The following MEGF10 variants were observed in gnomAD, a reference collection of about 807,000 sequenced individuals.
MEGF10 encodes the protein multiple EGF like domains 10.
A neutral mutation model predicts 147.5 loss-of-function variants in MEGF10; 86 were observed. That is an observed-to-expected ratio of 0.58 (90% CI 0.49 to 0.70). The LOEUF is 0.70. Ranked by LOEUF, MEGF10 falls within the 30% of genes least tolerant of loss-of-function variation. The pLI, the probability that MEGF10 is intolerant of heterozygous loss-of-function variation, is 0.00. For synonymous variants in MEGF10, 478 were observed against 525.5 expected (o/e 0.91, Z 1.24); for missense variants, 1,329 against 1,487.3 (o/e 0.89, Z 1.75).
At chr5:127,419,375 A>T (rs1764897988) in intron 11 of MEGF10, 135 bp downstream of exon 11, 1 of 1,046,726 alleles carries the variant, frequency 9.6e-7, no homozygotes. Flanking sequence ...CAAGCCCCTC[A>T]TCCAGTATGG....
At chr5:127,343,411 C>A (rs1408908363) in intron 4 of MEGF10, among the ~76,000 whole-genome samples, 1 of 152,064 alleles carries the variant, frequency 6.6e-6, no homozygotes, top group Non-Finnish European at 1.5e-5. Flanking sequence ...TGATAGACCC[C>A]ACTGTAGATG....
At position 127,455,722 on chromosome 5, in the gene MEGF10, C is replaced by T. The variant is rs117394990; in HGVS notation, c.3232+115C>T. ...AGAAATCTTATTGAAAATAATGGTC[C>T]GTATTTTATTTTATTTTATTTTATT... On this transcript the variant is annotated intron_variant, in intron 24 of 24. Coordinates refer to ENST00000503335, the MANE Select transcript of MEGF10 (RefSeq NM_001256545.2). The T allele has an allele frequency of 1.6e-3, 1,232 of 757,646 alleles. 23 individuals are homozygous for T. The East Asian group carries it at 0.032, about 20-fold the overall frequency. 46.9% of individuals were successfully genotyped at this position (757,646 alleles called of 1,614,324 possible). A position where few individuals can be genotyped will look rare whatever the true frequency, so the allele number is the denominator to read the frequency against.
chr5:127,352,402 C>T, intron 4 of MEGF10, among the ~76,000 whole-genome samples: 1 of 152,204 alleles, frequency 6.6e-6, no homozygotes, highest in East Asian at 1.9e-4. Flanking sequence ...TGGCTCACTC[C>T]TGTAATCCTA....
At chr5:127,302,747 T>C (rs1374501101) in intron 1 of MEGF10, among the ~76,000 whole-genome samples, 1 of 152,136 alleles carries the variant, frequency 6.6e-6, no homozygotes, top group Non-Finnish European at 1.5e-5. Flanking sequence ...ATGCCAAAAA[T>C]GGCAAGATGC....
the MEGF10 span, among the ~76,000 whole-genome samples, chr5:127,244,367 G>GAAAAA: frequency 7.6e-5 from 8 of 105,602 alleles, no homozygotes; most frequent in Non-Finnish European, 1.2e-4. Context: ...GCGAGACTCC[G>GAAAAA]AAAAAAAAAA....
At chr5:127,452,571 T>TG (rs1358221216) in intron 22 of MEGF10, among the ~76,000 whole-genome samples, 2 of 152,182 alleles carry the variant, frequency 1.3e-5, no homozygotes, top group Non-Finnish European at 2.9e-5. Context: ...TTACAGTTTA[T>TG]GGGGGGCTCA....
intron 21 of MEGF10, among the ~76,000 whole-genome samples, chr5:127,447,995 G>A (rs1024616504): frequency 2.0e-5 from 3 of 152,036 alleles, no homozygotes; most frequent in South Asian, 2.1e-4. Flanking sequence ...TTAGAAAAAC[G>A]TTTCTAATTT....
chr5:127,307,833 C>T (rs1290746469), intron 1 of MEGF10, among the ~76,000 whole-genome samples: 1 of 152,160 alleles, frequency 6.6e-6, no homozygotes, highest in Non-Finnish European at 1.5e-5. Flanking sequence ...TTCTGTTTGC[C>T]AAGAGACCCT....
chr5:127,421,274 G>A (rs1343088468), intron 12 of MEGF10, among the ~76,000 whole-genome samples: 4 of 152,190 alleles, frequency 2.6e-5, no homozygotes, highest in Admixed American at 6.5e-5. Flanking sequence ...TTCATATCAT[G>A]ACAAAACTAA....
chr5:127,419,279 C>G, intron 11 of MEGF10, 39 bp downstream of exon 11: 2 of 1,600,006 alleles, frequency 1.3e-6, no homozygotes, highest in East Asian at 4.5e-5. Context: ...TGATCCTGGT[C>G]ACGTTATCTC....
the MEGF10 span, among the ~76,000 whole-genome samples, chr5:127,248,180 C>T: frequency 6.6e-6 from 1 of 151,768 alleles, no homozygotes; most frequent in Non-Finnish European, 1.5e-5. Flanking sequence ...ATAGCCTAGC[C>T]CAAACAAAGC....
At chr5:127,363,494 G>C (rs1253625676) in intron 4 of MEGF10, among the ~76,000 whole-genome samples, 3 of 152,082 alleles carry the variant, frequency 2.0e-5, no homozygotes, top group Non-Finnish European at 4.4e-5. Flanking sequence ...AAAGAGAAGG[G>C]GAGTCGCACT....
At chr5:127,267,234 G>T in the MEGF10 span, among the ~76,000 whole-genome samples, 2 of 152,240 alleles carry the variant, frequency 1.3e-5, no homozygotes, top group South Asian at 4.1e-4. Flanking sequence ...TTATTGATTT[G>T]TGTATGTTGA....
chr5:127,326,585 C>G (rs938626509), intron 1 of MEGF10, among the ~76,000 whole-genome samples: 3 of 152,160 alleles, frequency 2.0e-5, no homozygotes, highest in Non-Finnish European at 2.9e-5. Flanking sequence ...ACCATTGCTT[C>G]TCTGTTCACG....
intron 5 of MEGF10, among the ~76,000 whole-genome samples, chr5:127,377,319 C>T (rs929662857): frequency 2.6e-5 from 4 of 152,196 alleles, no homozygotes; most frequent in African/African-American, 9.6e-5. Flanking sequence ...ATCTATTTCA[C>T]CTACAGCTAT....
the MEGF10 span, among the ~76,000 whole-genome samples, chr5:127,285,320 T>C: frequency 6.6e-6 from 1 of 152,100 alleles, no homozygotes; most frequent in Non-Finnish European, 1.5e-5. Context: ...AAAATGGAAT[T>C]TGATAGACCT....
the MEGF10 span, among the ~76,000 whole-genome samples, chr5:127,247,387 A>T: frequency 3.7e-5 from 1 of 26,814 alleles, no homozygotes; most frequent in Non-Finnish European, 7.4e-5. Flanking sequence ...GAAGAAGAAG[A>T]AGAAGAAGAA....
chr5:127,291,852 A>G (rs1370648674), intron 1 of MEGF10, among the ~76,000 whole-genome samples: 1 of 152,214 alleles, frequency 6.6e-6, no homozygotes, highest in Non-Finnish European at 1.5e-5. Flanking sequence ...CTGCTTCTTT[A>G]GAAAATATCC....
chr5:127,238,474 G>A, the MEGF10 span, among the ~76,000 whole-genome samples: 1 of 152,176 alleles, frequency 6.6e-6, no homozygotes, highest in South Asian at 2.1e-4. Context: ...TTGACAGCTT[G>A]TGGTTGCCAG....
Sources: allele counts gnomAD v4.1 joint callset (sites outside exome capture counted in the v4.1 genomes callset), GRCh38; gene constraint gnomAD v4.1.1; transcripts MANE v1.5; gene names NCBI Gene and HGNC (gene_info 2026-07-23, HGNC 2026-07-21).